LMF1: variants seen among roughly 807,000 people sequenced by gnomAD.
The protein encoded by LMF1 is lipase maturation factor 1, also known as transmembrane protein 112.
A neutral mutation model predicts 60.6 loss-of-function variants in LMF1; 68 were observed. The ratio of observed to expected loss-of-function variants is 1.12; its 90% confidence interval spans 0.92 to 1.37. The LOEUF (loss-of-function observed/expected upper bound fraction) is 1.37. Ranked by LOEUF, LMF1 falls within the 40% of genes most tolerant of loss-of-function variation. The pLI, the probability that LMF1 is intolerant of heterozygous loss-of-function variation, is 0.00. For missense variants in LMF1, 948 were observed against 767.2 expected (o/e 1.24, Z -2.78); for synonymous variants, 418 against 324.7 (o/e 1.29, Z -3.09).
intron 5 of LMF1, among the ~76,000 whole-genome samples, chr16:885,438 C>G (rs137944927): frequency 1.3e-5 from 2 of 152,314 alleles, no homozygotes; most frequent in Non-Finnish European, 2.9e-5. Flanking sequence ...AGATAAAGGG[C>G]AGGACTTGTC....
intron 10 of LMF1, among the ~76,000 whole-genome samples, chr16:860,054 C>G (rs1187343498): frequency 6.8e-6 from 1 of 148,050 alleles, no homozygotes; most frequent in East Asian, 1.9e-4. Context: ...TGTGCACCTT[C>G]TTTGGTGAAA....
At chr16:948,641 C>T in intron 2 of LMF1, among the ~76,000 whole-genome samples, 1 of 150,530 alleles carries the variant, frequency 6.6e-6, no homozygotes, top group Admixed American at 6.6e-5. Context: ...GAATCAGAGA[C>T]AACGACAGAG....
chr16:950,450 C>G (rs2072417736), intron 2 of LMF1, among the ~76,000 whole-genome samples: 1 of 123,068 alleles, frequency 8.1e-6, no homozygotes, highest in Non-Finnish European at 1.6e-5. Context: ...ACGACAGAGT[C>G]AGCCAACGAC....
chr16:896,471 A>C (rs1238574466), intron 4 of LMF1, among the ~76,000 whole-genome samples: 2 of 152,222 alleles, frequency 1.3e-5, no homozygotes, highest in Non-Finnish European at 2.9e-5. Context: ...AAAAACTGAG[A>C]GTCAGGTCTT....
In LMF1 at chr16:934,263, C is replaced by A. The variant is rs750247913; in HGVS notation, c.504-9G>T. ...ACTTACCGAAAGAGTACCTGAAAAA[C>A]AAAAGAAGAAACGAGTATTAACACT... On this transcript the variant is annotated splice_polypyrimidine_tract_variant and intron_variant, in intron 2 of 10. Transcript: ENST00000262301. The A allele has an allele frequency of 6.3e-6, 10 of 1,599,210 alleles. No individual in the cohort carries two copies. The East Asian group carries it at 1.1e-4, about 18-fold the overall frequency.
intron 3 of LMF1, among the ~76,000 whole-genome samples, chr16:930,160 C>T (rs2071735983): frequency 7.1e-6 from 1 of 140,474 alleles, no homozygotes. Flanking sequence ...GGCGCAGGAC[C>T]CTGGGACACA....
chr16:977,036 G>C (rs766103803), intron 1 of LMF1: 3 of 454,192 alleles, frequency 6.6e-6, no homozygotes, highest in Non-Finnish European at 1.3e-5. Flanking sequence ...TGGGCTGCAG[G>C]CAGACGTAAG....
chr16:937,662 T>G (rs535157904), intron 2 of LMF1, among the ~76,000 whole-genome samples: 16 of 152,356 alleles, frequency 1.1e-4, no homozygotes, highest in African/African-American at 3.6e-4. Context: ...GGGCTCCCAT[T>G]TCTATAGGAA....
chr16:866,889 C>T (rs1485025605), intron 10 of LMF1, among the ~76,000 whole-genome samples: 1 of 152,236 alleles, frequency 6.6e-6, no homozygotes, highest in African/African-American at 2.4e-5. Context: ...AGGCGATCAC[C>T]ACCATTTTGG....
intron 5 of LMF1, among the ~76,000 whole-genome samples, chr16:887,573 C>T (rs2070346415): frequency 6.6e-6 from 1 of 152,190 alleles, no homozygotes; most frequent in Admixed American, 6.5e-5. Context: ...AGCTCTGCAC[C>T]CCCTCAGCCA....
chr16:934,203 C>G (rs1250186168), intron 3 of LMF1, 41 bp downstream of exon 3: 2 of 1,599,194 alleles, frequency 1.3e-6, no homozygotes, highest in East Asian at 4.5e-5. Context: ...ACACACAACG[C>G]TCAACTCTCG....
intron 10 of LMF1, among the ~76,000 whole-genome samples, chr16:862,192 T>G (rs1210374451): frequency 6.6e-6 from 1 of 152,042 alleles, no homozygotes; most frequent in Non-Finnish European, 1.5e-5. Flanking sequence ...TTTTTTTTTT[T>G]TGAGGCAGAG....
chr16:977,136 C>T (rs2073171531), intron 1 of LMF1: 2 of 453,264 alleles, frequency 4.4e-6, no homozygotes, highest in South Asian at 3.1e-5. Flanking sequence ...TTTTCCACTG[C>T]CCTGTGAGCG....
intron 3 of LMF1, among the ~76,000 whole-genome samples, chr16:922,498 T>G (rs909454573): frequency 5.9e-5 from 9 of 152,214 alleles, no homozygotes; most frequent in African/African-American, 2.2e-4. Context: ...GAAAAGGCAT[T>G]ACTAACATGG....
chr16:871,388 C>T (rs919337621), intron 6 of LMF1, 47 bp from the exon 7 acceptor site: 3 of 1,589,266 alleles, frequency 1.9e-6, no homozygotes, highest in East Asian at 4.5e-5. Context: ...TCGTGTGGGG[C>T]CCCTGGGCAG....
chr16:901,643 G>A (rs546898610), intron 4 of LMF1: 6 of 152,398 alleles, frequency 3.9e-5, no homozygotes, highest in Non-Finnish European at 5.9e-5. Flanking sequence ...GCCGAAACAC[G>A]GGGGAAATGC....
chr16:971,044 G>GC (rs2073042410), upstream of LMF1: 21 of 1,351,272 alleles, frequency 1.6e-5, no homozygotes, highest in South Asian at 4.9e-5. Flanking sequence ...ATTCTCGGAG[G>GC]CCCCGCCTCT....
intron 10 of LMF1, among the ~76,000 whole-genome samples, chr16:867,822 C>T (rs948024020): frequency 6.6e-6 from 1 of 152,132 alleles, no homozygotes; most frequent in African/African-American, 2.4e-5. Context: ...CTGGAAGCAT[C>T]GCTTGGCCGG....
intron 3 of LMF1, among the ~76,000 whole-genome samples, chr16:928,233 C>G (rs2071668374): frequency 6.6e-6 from 1 of 152,198 alleles, no homozygotes; most frequent in Non-Finnish European, 1.5e-5. Flanking sequence ...TCAGCATAAC[C>G]ACAGTCCAAT....
Sources: gnomAD v4.1 joint callset for allele counts (sites outside exome capture counted in the v4.1 genomes callset) on GRCh38, gnomAD v4.1.1 for gene constraint, MANE v1.5 for transcripts, NCBI Gene and HGNC (gene_info 2026-07-23, HGNC 2026-07-21) for gene names.